The following FOXH1 variants were observed in gnomAD, a reference collection of about 807,000 sequenced individuals.
FOXH1 encodes the protein forkhead box H1.
Under a neutral mutation model 14.2 loss-of-function variants are expected in FOXH1, and 10 were observed. The observed-to-expected ratio is 0.70, with a 90% CI of 0.43 to 1.19. FOXH1 has a LOEUF of 1.19. Among genes scored for constraint, FOXH1 ranks in the 50% most tolerant of loss-of-function variants. The probability of loss-of-function intolerance (pLI) is 0.00; values close to 1 mark genes in which losing one functional copy is unlikely to be tolerated. For missense variants in FOXH1, 643 were observed against 492.1 expected, an observed-to-expected ratio of 1.31 and a Z score of -2.90; for synonymous variants, 273 against 209.5, an observed-to-expected ratio of 1.30 and a Z score of -2.62.
Position 144,473,467 on chromosome 8 carries a change from CG to C in FOXH1, c.*770del, listed in dbSNP as rs1179255311. The C allele has an allele frequency of 6.8e-7, 1 of 1,467,046 alleles. No individual in the cohort carries two copies. The highest frequency in any genetic ancestry group is 9.0e-7 in the Non-Finnish European group (1 of 1,111,774). The allele number at this position is 1,467,046 out of a possible 1,614,324, so 90.9% of individuals were successfully genotyped here. A position where few individuals can be genotyped will look rare whatever the true frequency, so the allele number is the denominator to read the frequency against. On this transcript the variant is annotated 3_prime_UTR_variant, in exon 3 of 3. Coordinates refer to ENST00000377317, the MANE Select transcript of FOXH1 (RefSeq NM_003923.3). ...AGGCGGTAGTAAAGTCCCTGTACCCCGTCTCCCAGGGCACAAGCTCCCTAGC... is the reference window on the plus strand; with the variant it reads ...AGGCGGTAGTAAAGTCCCTGTACCCCTCTCCCAGGGCACAAGCTCCCTAGC...
Position 144,475,692 on chromosome 8 carries a change from T to C in FOXH1, c.65A>G (p.Lys22Arg). 4 of 1,422,370 alleles carry C rather than the reference T, an allele frequency of 2.8e-6. No homozygotes were observed. Among genetic ancestry groups the C allele is most frequent in the Non-Finnish European group, 3.7e-6 (4 of 1,086,578 alleles). The allele number at this position is 1,422,370 out of a possible 1,614,324, so 88.1% of individuals were successfully genotyped here. Residue 22 changes from lysine (K) to arginine (R), a missense_variant, in exon 1 of 3, where the codon AAG (lysine) becomes AGG (arginine). Physicochemically the swap from Lys to Arg is conservative, Grantham distance 26. Transcript: ENST00000377317. ...PEAESPSQPP[K>R]RRKKRYLRHD... The stretch of plus-strand genomic sequence containing the variant: ...TCGCAGGTACCTCTTCTTCCTCCTC[T>C]TAGGGGGCTGGGAGGGCGACTCTGC...
Position 144,475,847 on chromosome 8 carries a change from C to G in FOXH1, c.-91G>C, listed in dbSNP as rs1564752822. The stretch of plus-strand genomic sequence containing the variant: ...TAGAAGGCAGGGCCGGGACCTGAGG[C>G]CGGGCTGGGGCAGGCGGGCTGGGGC... On this transcript the variant is annotated 5_prime_UTR_variant, in exon 1 of 3. Transcript: ENST00000377317. 2 of 883,610 alleles carry G rather than the reference C, an allele frequency of 2.3e-6. No homozygotes were observed. The highest frequency in any genetic ancestry group is 3.5e-5 in the African/African-American group (2 of 56,428). The allele number at this position is 883,610 out of a possible 1,614,324, so 54.7% of individuals were successfully genotyped here. A position where few individuals can be genotyped will look rare whatever the true frequency, so the allele number is the denominator to read the frequency against.
In FOXH1 at chr8:144,474,861, G is replaced by A. The variant is rs897199119; in HGVS notation, c.475C>T (p.Pro159Ser). 10 of 1,611,492 alleles carry A rather than the reference G, an allele frequency of 6.2e-6. No individual in the cohort carries two copies. Among genetic ancestry groups the A allele is most frequent in the Non-Finnish European group, 8.5e-6 (10 of 1,179,764 alleles). Residue 159 changes from proline to serine, a missense_variant, in exon 3 of 3, where the codon CCC (proline) becomes TCC (serine). Pro to Ser is a moderately conservative substitution (Grantham distance 74). Coordinates refer to ENST00000377317, the MANE Select transcript of FOXH1 (RefSeq NM_003923.3). The part of the protein sequence containing the change: ...LHGRPYRPPS[P>S]PPPPSEGFSI... Reference sequence around the variant, plus strand: ...AAGCCCTCACTGGGTGGTGGCGGGGGACTGGGCGGCCGGTATGGCCGGCCG... The same window carrying A: ...AAGCCCTCACTGGGTGGTGGCGGGGAACTGGGCGGCCGGTATGGCCGGCCG...
chr8:144,473,795 C>A lies in FOXH1; in HGVS notation c.*443G>T. 2.6e-6 allele frequency: 1 copy of A among 378,106 alleles called. No homozygotes were observed. Among genetic ancestry groups the A allele is most frequent in the Non-Finnish European group, 4.8e-6 (1 of 209,864 alleles). 23.4% of individuals were successfully genotyped at this position (378,106 alleles called of 1,614,324 possible). A position where few individuals can be genotyped will look rare whatever the true frequency, so the allele number is the denominator to read the frequency against. ...CCACCAGGACCATGTAGGGTGCAGTCTTTACTCCCTAACCCGTTTCCCGAA... is the reference window on the plus strand; with the variant it reads ...CCACCAGGACCATGTAGGGTGCAGTATTTACTCCCTAACCCGTTTCCCGAA... On this transcript the variant is annotated 3_prime_UTR_variant, in exon 3 of 3. Transcript: ENST00000377317.
rs1299649281 is a variant in FOXH1 at position 144,474,079 on chromosome 8, C to T, written c.*159G>A. The T allele has an allele frequency of 1.6e-6, 1 of 624,778 alleles. No homozygotes were observed. The highest frequency in any genetic ancestry group is 1.8e-5 in the African/African-American group (1 of 54,230). The allele number at this position is 624,778 out of a possible 1,614,324, so 38.7% of individuals were successfully genotyped here. A position where few individuals can be genotyped will look rare whatever the true frequency, so the allele number is the denominator to read the frequency against. The stretch of plus-strand genomic sequence containing the variant: ...GGGTTGTGCCCAGCTGGGCCACGGC[C>T]ATGCGTGGGGTGGCCCAATAAACAC... On this transcript the variant is annotated 3_prime_UTR_variant, in exon 3 of 3. Coordinates refer to ENST00000377317, the MANE Select transcript of FOXH1 (RefSeq NM_003923.3).
In FOXH1 at chr8:144,473,566, C is replaced by T; in HGVS notation, c.*672G>A. 1.0e-6 allele frequency: 1 copy of T among 986,694 alleles called. No individual in the cohort carries two copies. Among genetic ancestry groups the T allele is most frequent in the Non-Finnish European group, 1.4e-6 (1 of 705,806 alleles). The allele number at this position is 986,694 out of a possible 1,614,324, so 61.1% of individuals were successfully genotyped here. ...CCGCAGCCAGTGAAGTGTGTTGTGC[C>T]TGCTGAAGTGATCACCCCCCGCCCC... is the stretch of plus-strand genomic sequence containing the variant. On this transcript the variant is annotated 3_prime_UTR_variant, in exon 3 of 3. Transcript: ENST00000377317.
chr8:144,474,730 C>G lies in FOXH1; in HGVS notation c.606G>C (p.Glu202Asp). 6.4e-7 allele frequency: 1 copy of G among 1,551,350 alleles called. No individual in the cohort carries two copies. ...AGGGAAGGGGTGGGGTGGGCACCGCCTCCTCCCCACTGTTCCCTGTGCCTG... is the reference window on the plus strand; with the variant it reads ...AGGGAAGGGGTGGGGTGGGCACCGCGTCCTCCCCACTGTTCCCTGTGCCTG... ...VPAGTGNSGE[E>D]AVPTPPLPSS... The change falls in exon 3 of 3, where the codon GAG (glutamate) becomes GAC (aspartate). Residue 202 changes from glutamate (E) to aspartate (D), a missense_variant. Transcript: ENST00000377317.
In FOXH1 at chr8:144,473,783, G is replaced by A. The variant is rs1825044772; in HGVS notation, c.*455C>T. 3 of 380,362 alleles carry A rather than the reference G, an allele frequency of 7.9e-6. No individual in the cohort carries two copies. The highest frequency in any genetic ancestry group is 4.3e-5 in the Admixed American group (1 of 23,306). The allele number at this position is 380,362 out of a possible 1,614,324, so 23.6% of individuals were successfully genotyped here. Reference sequence around the variant, plus strand: ...TTATCCCCCCCACCACCAGGACCATGTAGGGTGCAGTCTTTACTCCCTAAC... The same window carrying A: ...TTATCCCCCCCACCACCAGGACCATATAGGGTGCAGTCTTTACTCCCTAAC... On this transcript the variant is annotated 3_prime_UTR_variant, in exon 3 of 3. Coordinates refer to ENST00000377317, the MANE Select transcript of FOXH1 (RefSeq NM_003923.3).
rs947899794 is a variant in FOXH1 at position 144,475,247 on chromosome 8, GACCTGA to G, written c.183_188del (p.Val63_Gln64del). 3.7e-6 allele frequency: 6 copies of G among 1,612,874 alleles called. No homozygotes were observed. The African/African-American group carries it at 8.0e-5, about 22-fold the overall frequency. On this transcript the variant is annotated inframe_deletion, in exon 2 of 3. Coordinates refer to ENST00000377317, the MANE Select transcript of FOXH1 (RefSeq NM_003923.3). ...CCCTGAAGAAGGGGAACACGGCCTG[GACCTGA>G]CGGATGATCTGAAACCGCCAGGCGG...
rs1825093754 is a variant in FOXH1, at chr8:144,474,841, C to T, written c.495G>A (p.Glu165=). 1.2e-6 allele frequency: 2 copies of T among 1,611,916 alleles called. No homozygotes were observed. The highest frequency in any genetic ancestry group is 4.5e-5 in the East Asian group (2 of 44,870). ...RPPSPPPPPS[E]GFSIKSLLGG... ...CTAGCAGGGACTTGATGCTGAAGCC[C>T]TCACTGGGTGGTGGCGGGGGACTGG... Residue 165 remains glutamate, a synonymous_variant, in exon 3 of 3, where the codon GAG becomes GAA. Transcript: ENST00000377317.
At chr8:144,475,506 G>C (rs1358735368) in intron 1 of FOXH1, 77 bp downstream of exon 1, 20 of 1,200,226 alleles carry the variant, frequency 1.7e-5, no homozygotes, top group Non-Finnish European at 2.1e-5. Context: ...GGAAGGGGTG[G>C]GGGTCAGGGC....
rs562065615 is a variant in FOXH1, at chr8:144,475,555, G to T, written c.174+28C>A. The T allele has an allele frequency of 2.8e-5, 41 of 1,445,946 alleles. No individual in the cohort carries two copies. In the East Asian group the frequency reaches 3.0e-4, roughly 11 times the overall value. 89.6% of individuals were successfully genotyped at this position (1,445,946 alleles called of 1,614,324 possible). A position where few individuals can be genotyped will look rare whatever the true frequency, so the allele number is the denominator to read the frequency against. On this transcript the variant is annotated intron_variant, in intron 1 of 2. Transcript: ENST00000377317. ...TGGGTGGGGAACGAGTCTGGGGAAA[G>T]AGAGAGTGGGGGCCGGGGCCCGCTC...
In FOXH1 at chr8:144,474,697, C is replaced by T. The variant is rs570062213; in HGVS notation, c.639G>A (p.Glu213=). The part of the protein sequence containing the change: ...AVPTPPLPSS[E]RPLWPLCPLP... ...GGGGGCAGAGGGGCCACAGAGGCCTCTCAGAAGAGGGAAGGGGTGGGGTGG... is the reference window on the plus strand; with the variant it reads ...GGGGGCAGAGGGGCCACAGAGGCCTTTCAGAAGAGGGAAGGGGTGGGGTGG... Residue 213 remains glutamate (E), a synonymous_variant, in exon 3 of 3, where the codon GAG becomes GAA. Coordinates refer to ENST00000377317, the MANE Select transcript of FOXH1 (RefSeq NM_003923.3). 10 of 1,536,712 alleles carry T rather than the reference C, an allele frequency of 6.5e-6. No homozygotes were observed. The African/African-American group carries it at 6.8e-5, about 10-fold the overall frequency.
chr8:144,474,935 C>G lies in FOXH1; in HGVS notation c.401G>C (p.Gly134Ala). The stretch of plus-strand genomic sequence containing the variant: ...CTTGGCGAAGGCTCCACGCGCACCT[C>G]CGTTCTGCCAGCGCCGGCACAGGGC... ...NTALCRRWQNGGARGAFAKDL... is the reference protein window; with the variant it reads ...NTALCRRWQNAGARGAFAKDL... Residue 134 changes from glycine (G) to alanine (A), a missense_variant, in exon 3 of 3, where the codon GGA (glycine) becomes GCA (alanine). Gly to Ala is a moderately conservative substitution (Grantham distance 60). Coordinates refer to ENST00000377317, the MANE Select transcript of FOXH1 (RefSeq NM_003923.3). 1 of 1,608,462 alleles carries G rather than the reference C, an allele frequency of 6.2e-7. No individual in the cohort carries two copies. Among genetic ancestry groups the G allele is most frequent in the Non-Finnish European group, 8.5e-7 (1 of 1,179,080 alleles).
At position 144,474,510 on chromosome 8, in the gene FOXH1, G is replaced by T. The variant is rs1825077677; in HGVS notation, c.826C>A (p.Gln276Lys). 1.2e-6 allele frequency: 2 copies of T among 1,611,106 alleles called. No individual in the cohort carries two copies. The highest frequency in any genetic ancestry group is 1.7e-6 in the Non-Finnish European group (2 of 1,179,946). ...SGGHRASLWG[Q>K]LPTSYLPIYT... ...ATAGGCAAGTAGGAGGTGGGCAGCT[G>T]CCCCCAGAGGGAGGCCCTGTGTCCC... The change falls in exon 3 of 3, where the codon CAG becomes AAG. Residue 276 changes from glutamine to lysine, a missense_variant. Coordinates refer to ENST00000377317, the MANE Select transcript of FOXH1 (RefSeq NM_003923.3).
rs1373598899 is a variant in FOXH1 at position 144,473,486 on chromosome 8, T to A, written c.*752A>T. On this transcript the variant is annotated 3_prime_UTR_variant, in exon 3 of 3. Coordinates refer to ENST00000377317, the MANE Select transcript of FOXH1 (RefSeq NM_003923.3). The stretch of plus-strand genomic sequence containing the variant: ...GTACCCCGTCTCCCAGGGCACAAGC[T>A]CCCTAGCCTCTTTGGATCCATTGCC... The A allele has an allele frequency of 2.1e-6, 3 of 1,434,284 alleles. No homozygotes were observed. Among genetic ancestry groups the A allele is most frequent in the Non-Finnish European group, 1.8e-6 (2 of 1,096,698 alleles). The allele number at this position is 1,434,284 out of a possible 1,614,324, so 88.8% of individuals were successfully genotyped here. A position where few individuals can be genotyped will look rare whatever the true frequency, so the allele number is the denominator to read the frequency against.
In FOXH1 at chr8:144,473,576, G is replaced by C. The variant is rs1193703346; in HGVS notation, c.*662C>G. On this transcript the variant is annotated 3_prime_UTR_variant, in exon 3 of 3. Coordinates refer to ENST00000377317, the MANE Select transcript of FOXH1 (RefSeq NM_003923.3). The stretch of plus-strand genomic sequence containing the variant: ...TGAAGTGTGTTGTGCCTGCTGAAGT[G>C]ATCACCCCCCGCCCCCAGCCCTGCA... The C allele has an allele frequency of 3.5e-6, 3 of 863,984 alleles. No homozygotes were observed. The highest frequency in any genetic ancestry group is 3.5e-5 in the African/African-American group (2 of 56,472). 53.5% of individuals were successfully genotyped at this position (863,984 alleles called of 1,614,324 possible). A position where few individuals can be genotyped will look rare whatever the true frequency, so the allele number is the denominator to read the frequency against.
rs1453376851 is a variant in FOXH1 at position 144,473,492 on chromosome 8, G to A, written c.*746C>T. ...CGTCTCCCAGGGCACAAGCTCCCTA[G>A]CCTCTTTGGATCCATTGCCCCTGAG... On this transcript the variant is annotated 3_prime_UTR_variant, in exon 3 of 3. Transcript: ENST00000377317. 12 of 1,433,740 alleles carry A rather than the reference G, an allele frequency of 8.4e-6. No individual in the cohort carries two copies. The highest frequency in any genetic ancestry group is 1.4e-5 in the African/African-American group (1 of 69,028). The allele number at this position is 1,433,740 out of a possible 1,614,324, so 88.8% of individuals were successfully genotyped here.
In FOXH1 at chr8:144,474,281, G is replaced by A. The variant is rs762489738; in HGVS notation, c.1055C>T (p.Ala352Val). The A allele has an allele frequency of 6.9e-6, 11 of 1,600,684 alleles. No individual in the cohort carries two copies. In the East Asian group the frequency reaches 1.3e-4, roughly 20 times the overall value. The change falls in exon 3 of 3, where the codon GCG (alanine) becomes GTG (valine). Residue 352 changes from alanine to valine, a missense_variant. Coordinates refer to ENST00000377317, the MANE Select transcript of FOXH1 (RefSeq NM_003923.3). ...GAGCAGCCAGCCTGGGCCAGGGGCC[G>A]CCAGGTCCCGAGGGTGGCTGACCCA... is the stretch of plus-strand genomic sequence containing the variant. Reference protein sequence around the residue: ...DVWVSHPRDLAAPGPGWLLSW... With the variant: ...DVWVSHPRDLVAPGPGWLLSW...
Sources: gnomAD v4.1 joint callset for allele counts on GRCh38, gnomAD v4.1.1 for gene constraint, MANE v1.5 for transcripts, NCBI Gene and HGNC (gene_info 2026-07-23, HGNC 2026-07-21) for gene names.